Variants in TRAP1 observed in about 807,000 individuals in gnomAD.
TRAP1 encodes the protein heat shock protein 75 kDa, mitochondrial.
A neutral mutation model predicts 89.1 loss-of-function variants in TRAP1; 102 were observed. The ratio of observed to expected loss-of-function variants is 1.15; its 90% CI spans 0.98 to 1.35. TRAP1 has a LOEUF of 1.35. Ranked by LOEUF, TRAP1 falls within the 40% of genes most tolerant of loss-of-function variation. The probability of loss-of-function intolerance (pLI) is 0.00; values close to 1 mark genes in which losing one functional copy is unlikely to be tolerated. For synonymous variants in TRAP1, 508 were observed against 388.0 expected (o/e 1.31, Z -3.64); for missense variants, 1,256 against 945.3 (o/e 1.33, Z -4.31).
rs997199210 is a variant in TRAP1, at chr16:3,676,780, G to C, written c.705-635C>G. ...CCTGCTAAAAAGCCCTCGGAGCCAG[G>C]CGTGGTGGCTCACGTCTATAATCCC... On this transcript the variant is annotated intron_variant, in intron 6 of 17. Transcript: ENST00000246957. 9.8e-5 allele frequency: 15 copies of C among 152,624 alleles called. 1 individual carries two copies. Among genetic ancestry groups the C allele is most frequent in the African/African-American group, 3.6e-4 (15 of 41,590 alleles). The allele number at this position is 152,624 out of a possible 1,614,324, so 9.5% of individuals were successfully genotyped here.
chr16:3,670,972 A>G (rs2050905402), intron 11 of TRAP1, among the ~76,000 whole-genome samples: 1 of 151,720 alleles, frequency 6.6e-6, no homozygotes, highest in East Asian at 1.9e-4. Flanking sequence ...AACACACACC[A>G]ATTACCCAGA....
At chr16:3,676,216 G>T in intron 6 of TRAP1, 71 bp from the exon 7 acceptor site, 1 of 1,340,248 alleles carries the variant, frequency 7.5e-7, no homozygotes, top group Non-Finnish European at 1.0e-6. Context: ...GGACTCCAGC[G>T]GTTCCCGAGG....
At chr16:3,707,921 C>T (rs34167944) in intron 1 of TRAP1, among the ~76,000 whole-genome samples, 67,696 of 150,932 alleles carry the variant, frequency 0.45, 17,199 homozygotes, top group African/African-American at 0.7. Context: ...ACGACGGCTC[C>T]TGCGTGTAAT....
chr16:3,717,490 C>A lies in TRAP1; in HGVS notation c.19G>T (p.Ala7Ser). 1 of 1,344,544 alleles carries A rather than the reference C, an allele frequency of 7.4e-7. No homozygotes were observed. The highest frequency in any genetic ancestry group is 9.5e-7 in the Non-Finnish European group (1 of 1,050,928). The allele number at this position is 1,344,544 out of a possible 1,614,324, so 83.3% of individuals were successfully genotyped here. Reference protein sequence around the residue: MARELRALLLWGRRLRP... With the variant: MARELRSLLLWGRRLRP... ...AGGCGGCGGCCCCACAGCAGCAGCG[C>A]CCGCAGCTCGCGCGCCATGTCGTAC... The change falls in exon 1 of 18, where the codon GCG becomes TCG. Residue 7 changes from alanine to serine, a missense_variant. Transcript: ENST00000246957.
chr16:3,684,293 G>A (rs374619056), intron 4 of TRAP1, among the ~76,000 whole-genome samples: 1 of 152,124 alleles, frequency 6.6e-6, no homozygotes, highest in Non-Finnish European at 1.5e-5. Flanking sequence ...TTACAATGAA[G>A]TGTTAAATAT....
chr16:3,661,830 T>G, intron 16 of TRAP1, 157 bp downstream of exon 16: 2 of 947,124 alleles, frequency 2.1e-6, no homozygotes, highest in Non-Finnish European at 2.9e-6. Flanking sequence ...CCATTTCACA[T>G]GGGTGCAGCC....
In TRAP1 at chr16:3,715,299, A is replaced by C. The variant is rs372373697; in HGVS notation, c.88+2122T>G. ...TAAAAATACAAAAAATTAGCCAGGC[A>C]TGGTGGTGGGCGCCTAAAGTCCCAG... On this transcript the variant is annotated intron_variant, in intron 1 of 17. Coordinates refer to ENST00000246957, the MANE Select transcript of TRAP1 (RefSeq NM_016292.3). Among the ~76,000 whole-genome samples, 4 of 152,170 alleles carry C rather than the reference A, an allele frequency of 2.6e-5. No homozygotes were observed. In the South Asian group the frequency reaches 8.3e-4, roughly 32 times the overall value.
intron 13 of TRAP1, chr16:3,664,015 A>G (rs371593050): frequency 1.4e-5 from 6 of 415,366 alleles, no homozygotes. Context: ...GTGAGCCGAG[A>G]TCGCACCACT....
chr16:3,684,782 T>C (rs2051116915), intron 4 of TRAP1, among the ~76,000 whole-genome samples: 1 of 151,982 alleles, frequency 6.6e-6, no homozygotes, highest in Non-Finnish European at 1.5e-5. Flanking sequence ...ACAGCCACAC[T>C]CTGTCTCCAA....
Position 3,664,411 on chromosome 16 carries a change from C to T in TRAP1, c.1432G>A (p.Gly478Arg), listed in dbSNP as rs758542169. ...TATTCTGAGAGGCTGGTTAGCTGCC[C>T]GGAGGGCAGCGCCGAGGACTCGTAG... ...LRYESSALPS[G>R]QLTSLSEYAS... is the part of the protein sequence containing the mutation. Residue 478 changes from glycine (G) to arginine (R), a missense_variant, in exon 13 of 18, where the codon GGG becomes AGG. By Grantham distance (125) the Gly-to-Arg change is moderately radical. Coordinates refer to ENST00000246957, the MANE Select transcript of TRAP1 (RefSeq NM_016292.3). 5.6e-6 allele frequency: 9 copies of T among 1,610,606 alleles called. No individual in the cohort carries two copies. Among genetic ancestry groups the T allele is most frequent in the East Asian group, 2.2e-5 (1 of 44,820 alleles).
At chr16:3,689,685 C>A (rs1439163066) in intron 2 of TRAP1, 1 of 152,444 alleles carries the variant, frequency 6.6e-6, no homozygotes, top group Non-Finnish European at 1.5e-5. Flanking sequence ...ACAAAAAATA[C>A]ACAAAGTAGC....
Position 3,663,452 on chromosome 16 carries a change from C to T in TRAP1, c.1680G>A (p.Lys560=), listed in dbSNP as rs1460797917. ...VETDIVVDHY[K]EEKFEDRSPA... Reference sequence around the variant, plus strand: ...GGGACCTGTCCTCAAACTTCTCCTCCTTGTAGTGATCCACGACTATGTCCG... The same window carrying T: ...GGGACCTGTCCTCAAACTTCTCCTCTTTGTAGTGATCCACGACTATGTCCG... The change falls in exon 14 of 18, where the codon AAG becomes AAA. Residue 560 remains lysine (K), a synonymous_variant. Transcript: ENST00000246957. 1.2e-6 allele frequency: 2 copies of T among 1,614,070 alleles called. No individual in the cohort carries two copies. The highest frequency in any genetic ancestry group is 8.5e-7 in the Non-Finnish European group (1 of 1,180,026).
chr16:3,701,924 G>A (rs2051370738), intron 1 of TRAP1, among the ~76,000 whole-genome samples: 1 of 152,046 alleles, frequency 6.6e-6, no homozygotes, highest in Non-Finnish European at 1.5e-5. Flanking sequence ...TTAAAAATAT[G>A]AGGCTGCCCG....
Position 3,676,147 on chromosome 16 carries a change from T to C in TRAP1, c.705-2A>G. The C allele has an allele frequency of 1.2e-6, 2 of 1,611,844 alleles. No individual in the cohort carries two copies. The highest frequency in any genetic ancestry group is 1.1e-5 in the South Asian group (1 of 90,722). On this transcript the variant is annotated splice_acceptor_variant, in intron 6 of 17. Coordinates refer to ENST00000246957, the MANE Select transcript of TRAP1 (RefSeq NM_016292.3). LOFTEE classifies it high-confidence loss of function. ...TCGGCGATTTCAAACACTCCAGAAC[T>C]AAGGCAGGCAAAGAAAGGAAAAGCC... is the stretch of plus-strand genomic sequence containing the variant.
At position 3,700,293 on chromosome 16, in the gene TRAP1, G is replaced by A. The variant is rs371487342; in HGVS notation, c.89-9308C>T. 4.0e-5 allele frequency among the ~76,000 whole-genome samples: 6 copies of A among 150,004 alleles called. No homozygotes were observed. In the South Asian group the frequency reaches 8.5e-4, roughly 21 times the overall value. ...AGCGATTCTCCTGCCTCAGCCTCCC[G>A]AGTAGCTGAGATTACAGGCATGTGC... On this transcript the variant is annotated intron_variant, in intron 1 of 17. Coordinates refer to ENST00000246957, the MANE Select transcript of TRAP1 (RefSeq NM_016292.3).
intron 1 of TRAP1, among the ~76,000 whole-genome samples, chr16:3,697,952 C>T (rs2051312217): frequency 6.6e-6 from 1 of 151,438 alleles, no homozygotes; most frequent in South Asian, 2.1e-4. Context: ...CCATGCCCGG[C>T]TAACTTTTGT....
At chr16:3,682,637 C>T (rs1056690018) in intron 4 of TRAP1, among the ~76,000 whole-genome samples, 4 of 152,172 alleles carry the variant, frequency 2.6e-5, no homozygotes, top group African/African-American at 9.6e-5. Context: ...AGACAATCTG[C>T]CCGCCACGGC....
intron 15 of TRAP1, chr16:3,662,674 G>A (rs1278551215): frequency 4.3e-6 from 3 of 693,002 alleles, no homozygotes; most frequent in Admixed American, 4.0e-5. Flanking sequence ...TCTGGAGCAG[G>A]GCTGGGAGAA....
At chr16:3,673,642 AG>A (rs1567229769) in intron 9 of TRAP1, among the ~76,000 whole-genome samples, 1 of 152,148 alleles carries the variant, frequency 6.6e-6, no homozygotes, top group Non-Finnish European at 1.5e-5. Context: ...GACTCTAACA[AG>A]CCCCTGGAGG....
Sources: allele counts gnomAD v4.1 joint callset (sites outside exome capture counted in the v4.1 genomes callset), GRCh38; gene constraint gnomAD v4.1.1; transcripts MANE v1.5; gene names NCBI Gene and HGNC (gene_info 2026-07-23, HGNC 2026-07-21).